Variants in LIMCH1 observed in about 807,000 individuals in gnomAD.
LIMCH1 encodes LIM and calponin homology domains 1, also known as LIM and calponin homology domains-containing protein 1.
A neutral mutation model predicts 176.5 loss-of-function variants in LIMCH1; 113 were observed. The observed-to-expected ratio is 0.64, with a 90% CI of 0.55 to 0.75. The LOEUF (loss-of-function observed/expected upper bound fraction) is 0.75. Ranked by LOEUF, LIMCH1 falls within the 30% of genes least tolerant of loss-of-function variation. The probability of loss-of-function intolerance (pLI) is 0.00; values close to 1 mark genes in which losing one functional copy is unlikely to be tolerated. For synonymous variants in LIMCH1, 619 were observed against 645.9 expected, an observed-to-expected ratio of 0.96 and a Z score of 0.63; for missense variants, 1,674 against 1,814.9, an observed-to-expected ratio of 0.92 and a Z score of 1.41.
chr4:41,616,281 A>G (rs2152808386), intron 5 of LIMCH1, among the ~76,000 whole-genome samples: 1 of 152,122 alleles, frequency 6.6e-6, no homozygotes, highest in South Asian at 2.1e-4. Flanking sequence ...TAATCCCAGC[A>G]CTTCAGGAGG....
intron 1 of LIMCH1, among the ~76,000 whole-genome samples, chr4:41,377,709 A>G (rs1194088683): frequency 6.6e-6 from 1 of 152,192 alleles, no homozygotes; most frequent in African/African-American, 2.4e-5. Flanking sequence ...AAGGGGCTGC[A>G]TATAGTGAGG....
rs34266308 is a variant in LIMCH1, at chr4:41,627,019, GGTGTGTGTGTGT to G, written c.1028+32_1028+43del. ...AGTCTAGAATATAAAAGGTGTGCAT[GGTGTGTGTGTGT>G]GTGTGTGTGTGTGTGTGTGTGTCTA... On this transcript the variant is annotated intron_variant, in intron 8 of 31. Transcript: ENST00000503057. The G allele has an allele frequency of 1.8e-5, 26 of 1,407,704 alleles. No homozygotes were observed. Among genetic ancestry groups the G allele is most frequent in the East Asian group, 1.0e-4 (4 of 38,956 alleles). 87.2% of individuals were successfully genotyped at this position (1,407,704 alleles called of 1,614,324 possible).
intron 1 of LIMCH1, among the ~76,000 whole-genome samples, chr4:41,489,558 A>T (rs2070352155): frequency 6.6e-6 from 1 of 152,176 alleles, no homozygotes; most frequent in African/African-American, 2.4e-5. Flanking sequence ...ATTAAGAATT[A>T]TGTTATTTAG....
At chr4:41,538,928 C>G (rs1034345640) in intron 1 of LIMCH1, among the ~76,000 whole-genome samples, 2 of 152,148 alleles carry the variant, frequency 1.3e-5, no homozygotes, top group Non-Finnish European at 2.9e-5. Context: ...CCCACTTAGT[C>G]CTTGTCCTTC....
intron 1 of LIMCH1, among the ~76,000 whole-genome samples, chr4:41,455,018 TG>T (rs997127740): frequency 9.4e-6 from 1 of 106,648 alleles, no homozygotes; most frequent in Non-Finnish European, 2.0e-5. Context: ...CTTCTTTGAC[TG>T]ATTAGTTGGG....
At chr4:41,676,496 C>T in intron 23 of LIMCH1, 34 bp downstream of exon 23, 3 of 1,472,846 alleles carry the variant, frequency 2.0e-6, no homozygotes, top group Non-Finnish European at 2.9e-6. Context: ...TTTGTTTTTC[C>T]TTTTTTGTCC....
intron 7 of LIMCH1, among the ~76,000 whole-genome samples, chr4:41,626,205 A>G (rs2092938835): frequency 6.6e-6 from 1 of 152,124 alleles, no homozygotes; most frequent in South Asian, 2.1e-4. Context: ...TCAGCTCTGA[A>G]GAAAGACTTC....
chr4:41,452,916 C>A (rs2064071718), intron 1 of LIMCH1, among the ~76,000 whole-genome samples: 1 of 152,192 alleles, frequency 6.6e-6, no homozygotes, highest in Non-Finnish European at 1.5e-5. Flanking sequence ...TCTTCCTCAT[C>A]TTTGCAGCAC....
At chr4:41,492,301 C>T (rs980747497) in intron 1 of LIMCH1, among the ~76,000 whole-genome samples, 3 of 151,924 alleles carry the variant, frequency 2.0e-5, no homozygotes, top group Admixed American at 1.3e-4. Context: ...CTGGGCAGGC[C>T]GAGGCAGGAG....
At chr4:41,456,029 T>G (rs1344330582) in intron 1 of LIMCH1, among the ~76,000 whole-genome samples, 1 of 148,700 alleles carries the variant, frequency 6.7e-6, no homozygotes, top group Non-Finnish European at 1.5e-5. Flanking sequence ...CACTTTTTTT[T>G]GTTTGTTTGT....
intron 1 of LIMCH1, among the ~76,000 whole-genome samples, chr4:41,481,547 G>A (rs1383564816): frequency 6.6e-6 from 1 of 152,200 alleles, no homozygotes; most frequent in Non-Finnish European, 1.5e-5. Context: ...TGTGGGAGGT[G>A]GCCTGTGGAA....
At chr4:41,688,218 C>G (rs1722504178) in intron 29 of LIMCH1, among the ~76,000 whole-genome samples, 1 of 152,222 alleles carries the variant, frequency 6.6e-6, no homozygotes, top group African/African-American at 2.4e-5. Context: ...CGCTGGGCTC[C>G]AAAGCTGGCG....
intron 30 of LIMCH1, among the ~76,000 whole-genome samples, chr4:41,691,592 C>CAAAAA (rs796984431): frequency 4.8e-5 from 3 of 62,390 alleles, no homozygotes; most frequent in Non-Finnish European, 6.9e-5. Context: ...ACTAAAAATA[C>CAAAAA]AAAAAAAAAA....
intron 1 of LIMCH1, among the ~76,000 whole-genome samples, chr4:41,433,682 T>C (rs945246476): frequency 1.4e-5 from 2 of 140,722 alleles, no homozygotes; most frequent in African/African-American, 5.8e-5. Context: ...TCTTCTTTTT[T>C]TTTTTTTTTT....
At chr4:41,470,108 A>G (rs148215386) in intron 1 of LIMCH1, among the ~76,000 whole-genome samples, 8 of 152,324 alleles carry the variant, frequency 5.3e-5, no homozygotes, top group East Asian at 1.9e-4. Context: ...GGAACATCCA[A>G]TGGGCACCCC....
At chr4:41,513,167 A>G (rs1004925963) in intron 2 of LIMCH1, among the ~76,000 whole-genome samples, 1 of 152,260 alleles carries the variant, frequency 6.6e-6, no homozygotes, top group Non-Finnish European at 1.5e-5. Flanking sequence ...CACATTCATT[A>G]AGATCAGAAA....
chr4:41,679,987 T>C lies in LIMCH1; in HGVS notation c.3520-19T>C. On this transcript the variant is annotated intron_variant, in intron 23 of 31. Transcript: ENST00000503057. ...ATGCAATGGTCAGTTGAGAACAATC[T>C]ATGGAAATTCCATAACAGGAGAGAT... The C allele has an allele frequency of 3.8e-6, 6 of 1,572,748 alleles. No individual in the cohort carries two copies. The highest frequency in any genetic ancestry group is 1.1e-5 in the South Asian group (1 of 87,688).
chr4:41,637,997 A>C (rs1246580113), intron 13 of LIMCH1, among the ~76,000 whole-genome samples: 1 of 152,186 alleles, frequency 6.6e-6, no homozygotes, highest in African/African-American at 2.4e-5. Flanking sequence ...TTCTTTGTCC[A>C]CCATCAGAAT....
chr4:41,401,144 C>A (rs1489615181), intron 1 of LIMCH1, among the ~76,000 whole-genome samples: 1 of 152,172 alleles, frequency 6.6e-6, no homozygotes, highest in Non-Finnish European at 1.5e-5. Context: ...AGGTTTTCTT[C>A]TAGGGTTTTT....
Sources: gnomAD v4.1 joint callset for allele counts (sites outside exome capture counted in the v4.1 genomes callset) on GRCh38, gnomAD v4.1.1 for gene constraint, MANE v1.5 for transcripts, NCBI Gene and HGNC (gene_info 2026-07-23, HGNC 2026-07-21) for gene names.